Variants in AHDC1 observed in about 807,000 individuals in gnomAD.
AHDC1 encodes transcription factor Gibbin.
Under a neutral mutation model 87.9 loss-of-function variants are expected in AHDC1, and 7 were observed. That is an observed-to-expected ratio of 0.08 (90% CI 0.05 to 0.15). The LOEUF (loss-of-function observed/expected upper bound fraction) is 0.15. Among genes scored for constraint, AHDC1 ranks in the 10% least tolerant of loss-of-function variants. The pLI, the probability that AHDC1 is intolerant of heterozygous loss-of-function variation, is 1.00. For synonymous variants in AHDC1, 1,051 were observed against 1,006.8 expected (o/e 1.04, Z -0.83); for missense variants, 1,841 against 2,253.2 (o/e 0.82, Z 3.70).
At chr1:27,582,172 C>T (rs2088927359) in intron 3 of AHDC1, among the ~76,000 whole-genome samples, 1 of 152,238 alleles carries the variant, frequency 6.6e-6, no homozygotes, top group South Asian at 2.1e-4. Flanking sequence ...CAATTCCCAT[C>T]ATCTCTTTTC....
chr1:27,559,578 T>C (rs2019975406), intron 3 of AHDC1, among the ~76,000 whole-genome samples: 1 of 152,200 alleles, frequency 6.6e-6, no homozygotes, highest in Non-Finnish European at 1.5e-5. Context: ...AGTGAGATCT[T>C]ATGAATGGGG....
At chr1:27,555,029 TC>T (rs2019756705) in intron 5 of AHDC1, among the ~76,000 whole-genome samples, 1 of 152,220 alleles carries the variant, frequency 6.6e-6, no homozygotes, top group Admixed American at 6.5e-5. Context: ...GTCCAAAGCC[TC>T]CTTCCACTCC....
chr1:27,549,019 T>C lies in AHDC1; in HGVS notation c.3097A>G (p.Ser1033Gly), dbSNP rs777333789. Reference sequence around the variant, plus strand: ...GAGCTGCTGAAGAAGGAGGCCTTGCTTGGTGGCAGGCAGGGGCCCCCGGTA... The same window carrying C: ...GAGCTGCTGAAGAAGGAGGCCTTGCCTGGTGGCAGGCAGGGGCCCCCGGTA... ...PPTGGPCLPP[S>G]KASFFSSSEG... The change falls in exon 8 of 9, where the codon AGC becomes GGC. Residue 1033 changes from serine (S) to glycine (G), a missense_variant. Physicochemically the swap from Ser to Gly is moderately conservative, Grantham distance 56. This residue lies in a region of AHDC1 where 378 missense variants were observed against 399.0 expected (regional missense o/e 0.95). Coordinates refer to ENST00000673934, the MANE Select transcript of AHDC1 (RefSeq NM_001371928.1). The C allele has an allele frequency of 6.3e-7, 1 of 1,576,464 alleles. No homozygotes were observed. Among genetic ancestry groups the C allele is most frequent in the Admixed American group, 1.8e-5 (1 of 55,368 alleles).
Position 27,552,091 on chromosome 1 carries a change from C to G in AHDC1, c.25G>C (p.Val9Leu). 1 of 1,479,610 alleles carries G rather than the reference C, an allele frequency of 6.8e-7. No individual in the cohort carries two copies. The highest frequency in any genetic ancestry group is 9.0e-7 in the Non-Finnish European group (1 of 1,115,740). 91.7% of individuals were successfully genotyped at this position (1,479,610 alleles called of 1,614,324 possible). A position where few individuals can be genotyped will look rare whatever the true frequency, so the allele number is the denominator to read the frequency against. The change falls in exon 8 of 9, where the codon GTG becomes CTG. Residue 9 changes from valine to leucine, a missense_variant. Physicochemically the swap from Val to Leu is conservative, Grantham distance 32. This residue lies in a region of AHDC1 where 142 missense variants were observed against 165.6 expected (regional missense o/e 0.86). Transcript: ENST00000673934. ...CTGCACACGGCACTGGAAGTCACCA[C>G]CAGGCCCTGGGGCTTCACACGCATC... MRVKPQGL[V>L]VTSSAVCSSP...
chr1:27,596,987 A>G lies in AHDC1; in HGVS notation c.-629+6410T>C, dbSNP rs143159840. 6.0e-3 allele frequency among the ~76,000 whole-genome samples: 920 copies of G among 152,294 alleles called. 9 individuals carry two copies. The highest frequency in any genetic ancestry group is 0.02 in the African/African-American group (846 of 41,550). The stretch of plus-strand genomic sequence containing the variant: ...TACCTGCACATGCAAGCACATGTTT[A>G]TACACATATGCCTCACCACCTTTGA... On this transcript the variant is annotated intron_variant, in intron 3 of 8. Transcript: ENST00000673934.
At chr1:27,573,619 C>T (rs2088613264) in intron 3 of AHDC1, among the ~76,000 whole-genome samples, 4 of 152,194 alleles carry the variant, frequency 2.6e-5, no homozygotes. Flanking sequence ...GGTGGATGCT[C>T]ATTCCTGCTC....
chr1:27,599,864 C>T (rs1172539496), intron 3 of AHDC1, among the ~76,000 whole-genome samples: 2 of 152,006 alleles, frequency 1.3e-5, no homozygotes, highest in Non-Finnish European at 2.9e-5. Flanking sequence ...TGGAATCTGT[C>T]TCCCCATTCT....
chr1:27,583,451 C>T (rs2088964272), intron 3 of AHDC1, among the ~76,000 whole-genome samples: 1 of 152,178 alleles, frequency 6.6e-6, no homozygotes, highest in Non-Finnish European at 1.5e-5. Context: ...TCCCTGAGCT[C>T]ATGTCTTGTT....
intron 3 of AHDC1, among the ~76,000 whole-genome samples, chr1:27,599,663 G>A (rs1225968902): frequency 6.6e-6 from 1 of 152,146 alleles, no homozygotes; most frequent in Non-Finnish European, 1.5e-5. Flanking sequence ...GGCACCTCTG[G>A]GACCCTAATG....
intron 3 of AHDC1, among the ~76,000 whole-genome samples, chr1:27,568,559 G>A (rs889305109): frequency 6.6e-6 from 1 of 152,116 alleles, no homozygotes; most frequent in African/African-American, 2.4e-5. Flanking sequence ...CCCACGGCGC[G>A]TCCCGAACAC....
At position 27,551,167 on chromosome 1, in the gene AHDC1, G is replaced by C; in HGVS notation, c.949C>G (p.Leu317Val). 1 of 1,609,010 alleles carries C rather than the reference G, an allele frequency of 6.2e-7. No homozygotes were observed. The highest frequency in any genetic ancestry group is 8.5e-7 in the Non-Finnish European group (1 of 1,178,502). Residue 317 changes from leucine to valine, a missense_variant, in exon 8 of 9, where the codon CTG (leucine) becomes GTG (valine). By Grantham distance (32) the Leu-to-Val change is conservative (BLOSUM62 1). Transcript: ENST00000673934. ...TCCAAGGAGTCAGGCAGGGTGTCCA[G>C]GGCCTGGAGAGCCAGGCCCGGCAGC... ...LGLPGLALQA[L>V]DTLPDSLESQ...
chr1:27,593,850 C>A lies in AHDC1; in HGVS notation c.-629+9547G>T, dbSNP rs2089293609. Among the ~76,000 whole-genome samples the A allele has an allele frequency of 6.6e-6, 1 of 152,244 alleles. No individual in the cohort carries two copies. The stretch of plus-strand genomic sequence containing the variant: ...CCCTAATGGAGCCTGCATCCCAGGA[C>A]TTGCTGGGCTGGGACACAGGCGATG... On this transcript the variant is annotated intron_variant, in intron 3 of 8. Coordinates refer to ENST00000673934, the MANE Select transcript of AHDC1 (RefSeq NM_001371928.1). This position sits in a 1 kb window ranked among gnomAD's most constrained non-coding sequence, Gnocchi z 4.9.
In AHDC1 at chr1:27,547,582, G is replaced by T. The variant is rs749822016; in HGVS notation, c.4534C>A (p.Pro1512Thr). 4 of 1,608,776 alleles carry T rather than the reference G, an allele frequency of 2.5e-6. No homozygotes were observed. The highest frequency in any genetic ancestry group is 3.4e-6 in the Non-Finnish European group (4 of 1,178,210). The change falls in exon 8 of 9, where the codon CCC becomes ACC. Residue 1512 changes from proline (P) to threonine (T), a missense_variant. Physicochemically the swap from Pro to Thr is conservative, Grantham distance 38. Transcript: ENST00000673934. This position sits in a 1 kb window ranked among gnomAD's most constrained non-coding sequence, Gnocchi z 4.9. ...TCCAGTGGCTCCTTGTCGGCCTTGG[G>T]CGTGGCTGGTGGGCTAGCCAGGTGA... The part of the protein sequence containing the change: ...APHLASPPAT[P>T]KADKEPLEMA...
chr1:27,581,679 C>T (rs2088912523), intron 3 of AHDC1, among the ~76,000 whole-genome samples: 1 of 152,202 alleles, frequency 6.6e-6, no homozygotes, highest in Non-Finnish European at 1.5e-5. Flanking sequence ...GAATCTCTTC[C>T]ACCTCGAGCT....
chr1:27,603,143 A>ACCCCCCCCCCCCCCCCCCCCCCCC (rs1156376060), intron 3 of AHDC1, among the ~76,000 whole-genome samples: 1 of 110,424 alleles, frequency 9.1e-6, no homozygotes, highest in Non-Finnish European at 2.0e-5. Flanking sequence ...AAACCCGAGA[A>ACCCCCCCCCCCCCCCCCCCCCCCC]CCCCCCCTCC....
chr1:27,565,389 A>C lies in AHDC1; in HGVS notation c.-628-6506T>G, dbSNP rs898477876. ...CCCACGACTCCAAGCTCATTCCATGAAGAGGGGCGAGAGAGGAAGGACAGA... is the reference window on the plus strand; with the variant it reads ...CCCACGACTCCAAGCTCATTCCATGCAGAGGGGCGAGAGAGGAAGGACAGA... On this transcript the variant is annotated intron_variant, in intron 3 of 8. Transcript: ENST00000673934. This position sits in a 1 kb window ranked among gnomAD's most constrained non-coding sequence, Gnocchi z 4.6. 1.3e-5 allele frequency among the ~76,000 whole-genome samples: 2 copies of C among 152,158 alleles called. No homozygotes were observed. Among genetic ancestry groups the C allele is most frequent in the Non-Finnish European group, 2.9e-5 (2 of 68,022 alleles).
intron 3 of AHDC1, among the ~76,000 whole-genome samples, chr1:27,594,393 C>T (rs1430671177): frequency 6.6e-6 from 1 of 152,154 alleles, no homozygotes; most frequent in East Asian, 1.9e-4. Flanking sequence ...GGCAACTCCC[C>T]CTGTCCCTCT....
chr1:27,552,049 G>A lies in AHDC1; in HGVS notation c.67C>T (p.Arg23Trp), dbSNP rs547499036. Residue 23 changes from arginine to tryptophan, a missense_variant, in exon 8 of 9, where the codon CGG (arginine) becomes TGG (tryptophan). Transcript: ENST00000673934. ...CCGCCGGGGTAGTACTTGGGTTCCC[G>A]GAGGTAGTCAGGAGAGCTGCACACG... The part of the protein sequence containing the change: ...SAVCSSPDYL[R>W]EPKYYPGGPP... 3.3e-6 allele frequency: 5 copies of A among 1,500,340 alleles called. No individual in the cohort carries two copies. Among genetic ancestry groups the A allele is most frequent in the East Asian group, 2.5e-5 (1 of 40,566 alleles). The allele number at this position is 1,500,340 out of a possible 1,614,324, so 92.9% of individuals were successfully genotyped here.
In AHDC1 at chr1:27,550,969, C is replaced by A. The variant is rs760693423; in HGVS notation, c.1147G>T (p.Ala383Ser). The change falls in exon 8 of 9, where the codon GCC (alanine) becomes TCC (serine). Residue 383 changes from alanine to serine, a missense_variant. Around this residue, in one of 13 missense-constraint regions of AHDC1, gnomAD observed 370 missense variants for 391.5 expected, o/e 0.95. Transcript: ENST00000673934. ...TTTGGCCTATCAGTGCGCCGCAAGG[C>A]GTACTTGGGGTGACCCTCAGGCCCG... is the stretch of plus-strand genomic sequence containing the variant. ...PPGPEGHPKY[A>S]LRRTDRPKIL... The A allele has an allele frequency of 1.9e-6, 3 of 1,594,882 alleles. No homozygotes were observed. Among genetic ancestry groups the A allele is most frequent in the Admixed American group, 1.7e-5 (1 of 58,898 alleles).
Sources: allele counts gnomAD v4.1 joint callset (sites outside exome capture counted in the v4.1 genomes callset), GRCh38; gene constraint gnomAD v4.1.1; regional missense constraint gnomAD v4.1.1; non-coding constraint Gnocchi (gnomAD v3.1); transcripts MANE v1.5; gene names NCBI Gene and HGNC (gene_info 2026-07-23, HGNC 2026-07-21).